The following ANO2 variants were observed in gnomAD, a reference collection of about 807,000 sequenced individuals.
ANO2 encodes anoctamin-2.
In ANO2, 101 loss-of-function variants were observed where a neutral mutation model predicts 124.2. The observed-to-expected ratio is 0.81, with a 90% CI of 0.69 to 0.96. The LOEUF (loss-of-function observed/expected upper bound fraction) is 0.96. ANO2 is among the 40% of genes least tolerant of loss of function. ANO2 has a pLI of 0.00. For missense variants in ANO2, 1,293 were observed against 1,274.5 expected, an observed-to-expected ratio of 1.01 and a Z score of -0.22; for synonymous variants, 486 against 482.5, an observed-to-expected ratio of 1.01 and a Z score of -0.09.
At chr12:5,565,012 G>T (rs922903104) in intron 24 of ANO2, among the ~76,000 whole-genome samples, 1 of 152,142 alleles carries the variant, frequency 6.6e-6, no homozygotes, top group African/African-American at 2.4e-5. Flanking sequence ...GATGCAATTG[G>T]AGCTGTGGCT....
chr12:5,605,690 G>A (rs766069594), intron 19 of ANO2, among the ~76,000 whole-genome samples: 12 of 152,084 alleles, frequency 7.9e-5, no homozygotes, highest in African/African-American at 1.7e-4. Flanking sequence ...CATGTGTTTC[G>A]GGGGCACTAT....
chr12:5,612,652 A>T lies in ANO2; in HGVS notation c.2087+4T>A, dbSNP rs780746316. 3 of 1,613,018 alleles carry T rather than the reference A, an allele frequency of 1.9e-6. No individual in the cohort carries two copies. The highest frequency in any genetic ancestry group is 2.5e-6 in the Non-Finnish European group (3 of 1,179,030). ...GAGAGAGGTTAGAGGAGTTCATTACATACGGGACTCCAATCTCAAAGATGT... is the reference window on the plus strand; with the variant it reads ...GAGAGAGGTTAGAGGAGTTCATTACTTACGGGACTCCAATCTCAAAGATGT... On this transcript the variant is annotated splice_donor_region_variant and intron_variant, in intron 19 of 24. Transcript: ENST00000682330.
intron 1 of ANO2, among the ~76,000 whole-genome samples, chr12:5,941,047 T>C (rs949254836): frequency 6.6e-6 from 1 of 152,196 alleles, no homozygotes; most frequent in Non-Finnish European, 1.5e-5. Context: ...ATGTGTAGAA[T>C]AGGCATATCC....
chr12:5,773,294 TG>T (rs1324203269), intron 10 of ANO2, among the ~76,000 whole-genome samples: 4 of 152,232 alleles, frequency 2.6e-5, no homozygotes, highest in African/African-American at 9.6e-5. Flanking sequence ...ACCTCTTCCT[TG>T]CCAAGTCTCT....
intron 3 of ANO2, among the ~76,000 whole-genome samples, chr12:5,917,556 CTCTTT>C (rs1167881683): frequency 6.9e-6 from 1 of 144,326 alleles, no homozygotes; most frequent in African/African-American, 2.5e-5. Context: ...TATTATTATT[CTCTTT>C]TTTCTTTTTT....
chr12:5,679,261 C>T (rs1266416896), intron 14 of ANO2, among the ~76,000 whole-genome samples: 9 of 152,036 alleles, frequency 5.9e-5, no homozygotes, highest in South Asian at 4.1e-4. Flanking sequence ...CAAAAGCAAT[C>T]GCAACAAAAG....
chr12:5,601,761 A>G (rs1591707925), intron 19 of ANO2, among the ~76,000 whole-genome samples: 1 of 152,262 alleles, frequency 6.6e-6, no homozygotes, highest in Non-Finnish European at 1.5e-5. Context: ...AATTTTAAAA[A>G]GTATAAAACC....
At chr12:5,830,010 G>A (rs1591666968) in intron 6 of ANO2, among the ~76,000 whole-genome samples, 1 of 152,134 alleles carries the variant, frequency 6.6e-6, no homozygotes, top group Non-Finnish European at 1.5e-5. Context: ...AACAAACACA[G>A]TGGCCCAACA....
intron 14 of ANO2, among the ~76,000 whole-genome samples, chr12:5,689,092 T>C (rs1434405818): frequency 1.3e-5 from 2 of 151,790 alleles, no homozygotes; most frequent in African/African-American, 4.8e-5. Flanking sequence ...TTTCAGGAGA[T>C]TTGAGGAAAA....
chr12:5,874,199 G>A (rs1330779789), intron 3 of ANO2, among the ~76,000 whole-genome samples: 1 of 152,206 alleles, frequency 6.6e-6, no homozygotes, highest in Non-Finnish European at 1.5e-5. Flanking sequence ...TGTGAGGGAT[G>A]GAGCTTGAGC....
At chr12:5,607,494 G>A (rs1357711397) in intron 19 of ANO2, among the ~76,000 whole-genome samples, 1 of 151,210 alleles carries the variant, frequency 6.6e-6, no homozygotes, top group African/African-American at 2.4e-5. Flanking sequence ...TGAGTATATT[G>A]TAAAGCCTGG....
chr12:5,607,564 C>T (rs527557823), intron 19 of ANO2, among the ~76,000 whole-genome samples: 1 of 152,170 alleles, frequency 6.6e-6, no homozygotes, highest in East Asian at 1.9e-4. Context: ...GACCAGTACC[C>T]GTCCTTGGTC....
At chr12:5,888,890 C>T (rs1041079032) in intron 3 of ANO2, among the ~76,000 whole-genome samples, 15 of 152,224 alleles carry the variant, frequency 9.9e-5, no homozygotes, top group South Asian at 8.3e-4. Context: ...CCACGCCGTG[C>T]GCCCACACTC....
rs925147811 is a variant in ANO2 at position 5,903,772 on chromosome 12, C to G, written c.534+17268G>C. Among the ~76,000 whole-genome samples the G allele has an allele frequency of 3.9e-5, 6 of 152,026 alleles. No individual in the cohort carries two copies. In the East Asian group the frequency reaches 1.2e-3, roughly 29 times the overall value. ...ACAGATAAACCGCAGCCCTTTGGTC[C>G]TTTGGTCCTGGAGGGATTTGTACTC... is the stretch of plus-strand genomic sequence containing the variant. On this transcript the variant is annotated intron_variant, in intron 3 of 24. Coordinates refer to ENST00000682330, the MANE Select transcript of ANO2 (RefSeq NM_001364791.2).
chr12:5,617,625 G>C (rs111370121), intron 16 of ANO2, among the ~76,000 whole-genome samples: 2,354 of 120,968 alleles, frequency 0.019, 55 homozygotes, highest in African/African-American at 0.065. Context: ...CCAATTCACA[G>C]CATACCAAAC....
intron 3 of ANO2, among the ~76,000 whole-genome samples, chr12:5,889,105 C>T (rs1461013784): frequency 1.3e-5 from 2 of 152,242 alleles, no homozygotes; most frequent in Non-Finnish European, 2.9e-5. Flanking sequence ...CTAAGCCTCT[C>T]ACTGCCCACG....
intron 17 of ANO2, 51 bp downstream of exon 17, chr12:5,615,135 C>A: frequency 6.8e-7 from 1 of 1,478,950 alleles, no homozygotes; most frequent in Non-Finnish European, 9.3e-7. Flanking sequence ...CAGTAGAGAA[C>A]CCAGTCTTAG....
chr12:5,647,623 C>G (rs888179416), intron 15 of ANO2, 104 bp downstream of exon 15: 33 of 980,420 alleles, frequency 3.4e-5, no homozygotes, highest in Non-Finnish European at 5.1e-5. Flanking sequence ...TTCCCCTTTA[C>G]CAGCCTCTCA....
Position 5,658,828 on chromosome 12 carries a change from TCAG to T in ANO2, c.1546-11030_1546-11028del, listed in dbSNP as rs1296440811. Among the ~76,000 whole-genome samples, 1 of 152,054 alleles carries T rather than the reference TCAG, an allele frequency of 6.6e-6. No individual in the cohort carries two copies. Among genetic ancestry groups the T allele is most frequent in the Non-Finnish European group, 1.5e-5 (1 of 68,028 alleles). On this transcript the variant is annotated intron_variant, in intron 14 of 24. Coordinates refer to ENST00000682330, the MANE Select transcript of ANO2 (RefSeq NM_001364791.2). The surrounding 1 kb of genome is among the most constrained non-coding windows in gnomAD (Gnocchi z 4.3). ...CATCATCAACATCATCATTAAATCA[TCAG>T]CAGCATCAATATTATCCTTGTCATC...
Sources: allele counts gnomAD v4.1 joint callset (sites outside exome capture counted in the v4.1 genomes callset), GRCh38; gene constraint gnomAD v4.1.1; non-coding constraint Gnocchi (gnomAD v3.1); transcripts MANE v1.5; gene names NCBI Gene and HGNC (gene_info 2026-07-23, HGNC 2026-07-21).